The following TRPC4 variants were observed in gnomAD, a reference collection of about 807,000 sequenced individuals.
TRPC4 encodes the protein short transient receptor potential channel 4.
Under a neutral mutation model 99.4 loss-of-function variants are expected in TRPC4, and 49 were observed. The ratio of observed to expected loss-of-function variants is 0.49; its 90% CI spans 0.39 to 0.63. The LOEUF (loss-of-function observed/expected upper bound fraction) is 0.63. Among genes scored for constraint, TRPC4 ranks in the 20% least tolerant of loss-of-function variants. The probability of loss-of-function intolerance (pLI) is 0.00; values close to 1 mark genes in which losing one functional copy is unlikely to be tolerated. For missense variants in TRPC4, 898 were observed against 1,152.9 expected (o/e 0.78, Z 3.20); for synonymous variants, 454 against 425.9 (o/e 1.07, Z -0.81).
At chr13:37,791,398 T>TTAA (rs1555272608) in intron 1 of TRPC4, among the ~76,000 whole-genome samples, 2 of 114,764 alleles carry the variant, frequency 1.7e-5, no homozygotes, top group African/African-American at 7.3e-5. Flanking sequence ...TCTGTCTCAA[T>TTAA]AAAAAAAAAA....
chr13:37,695,009 C>G (rs1185023749), intron 3 of TRPC4, among the ~76,000 whole-genome samples: 1 of 151,892 alleles, frequency 6.6e-6, no homozygotes, highest in African/African-American at 2.4e-5. Flanking sequence ...ATTTTCCATG[C>G]AAAAATGGGT....
chr13:37,731,247 T>C (rs1342982640), intron 3 of TRPC4, among the ~76,000 whole-genome samples: 1 of 152,170 alleles, frequency 6.6e-6, no homozygotes, highest in East Asian at 1.9e-4. Context: ...CAGACTTTCT[T>C]ACATATTCAT....
chr13:37,813,909 A>C (rs1156567695), intron 1 of TRPC4, among the ~76,000 whole-genome samples: 1 of 151,862 alleles, frequency 6.6e-6, no homozygotes, highest in Non-Finnish European at 1.5e-5. Context: ...CAGTATATCT[A>C]TGAATAGAAA....
rs145760277 is a variant in TRPC4, at chr13:37,756,407, T to A, written c.379-9952A>T. Reference sequence around the variant, plus strand: ...ACTTATACAGACAAAAAATTATTTGTTAGTCTAAGCCTAGGGCTAATAATT... The same window carrying A: ...ACTTATACAGACAAAAAATTATTTGATAGTCTAAGCCTAGGGCTAATAATT... On this transcript the variant is annotated intron_variant, in intron 2 of 10. Transcript: ENST00000379705. Among the ~76,000 whole-genome samples, 4 of 152,308 alleles carry A rather than the reference T, an allele frequency of 2.6e-5. No homozygotes were observed. The East Asian group carries it at 7.7e-4, about 29-fold the overall frequency.
Position 37,705,652 on chromosome 13 carries a change from G to A in TRPC4, c.898-13317C>T, listed in dbSNP as rs146574319. On this transcript the variant is annotated intron_variant, in intron 3 of 10. Transcript: ENST00000379705. The stretch of plus-strand genomic sequence containing the variant: ...AGGCCTAACTCAAATCAGTCTTTGA[G>A]TTCCTCTCCTTCTAACCCATGGACC... 8.5e-4 allele frequency among the ~76,000 whole-genome samples: 130 copies of A among 152,154 alleles called. 1 individual carries two copies. Among genetic ancestry groups the A allele is most frequent in the African/African-American group, 2.7e-3 (112 of 41,518 alleles).
chr13:37,846,668 A>G (rs1244267666), intron 1 of TRPC4, among the ~76,000 whole-genome samples: 1 of 152,058 alleles, frequency 6.6e-6, no homozygotes, highest in Non-Finnish European at 1.5e-5. Context: ...ATATAAAATA[A>G]TCAAAAAACA....
chr13:37,649,142 A>C (rs1372264411), intron 8 of TRPC4, among the ~76,000 whole-genome samples: 1 of 152,200 alleles, frequency 6.6e-6, no homozygotes, highest in Admixed American at 6.5e-5. Flanking sequence ...ATGAGATGGT[A>C]TAAAGGATAA....
Position 37,636,563 on chromosome 13 carries a change from T to C in TRPC4, c.*340A>G. On this transcript the variant is annotated 3_prime_UTR_variant, in exon 11 of 11. Transcript: ENST00000379705. ...TTTTTGAATATAAAAATATCTATTT[T>C]AGGAGTCAACTACCACATGAAATAA... 1 of 173,662 alleles carries C rather than the reference T, an allele frequency of 5.8e-6. No individual in the cohort carries two copies. The highest frequency in any genetic ancestry group is 2.7e-3 in the Middle Eastern group (1 of 376). The allele number at this position is 173,662 out of a possible 1,614,324, so 10.8% of individuals were successfully genotyped here. A position where few individuals can be genotyped will look rare whatever the true frequency, so the allele number is the denominator to read the frequency against.
chr13:37,777,324 G>T (rs979847032), intron 2 of TRPC4, among the ~76,000 whole-genome samples: 1 of 151,874 alleles, frequency 6.6e-6, no homozygotes, highest in East Asian at 1.9e-4. Context: ...CATGGCAGAA[G>T]AGTGAAGGGG....
At position 37,826,946 on chromosome 13, in the gene TRPC4, A is replaced by G. The variant is rs1958241698; in HGVS notation, c.-28+42649T>C. Among the ~76,000 whole-genome samples the G allele has an allele frequency of 2.0e-5, 3 of 152,176 alleles. No individual in the cohort carries two copies. In the South Asian group the frequency reaches 6.2e-4, roughly 32 times the overall value. On this transcript the variant is annotated intron_variant, in intron 1 of 10. Transcript: ENST00000379705. The stretch of plus-strand genomic sequence containing the variant: ...AGATTTGGTCTTTTCACATAGTCCC[A>G]TATTTCTTGGAGGCTTTGCTTGTTT...
At position 37,663,533 on chromosome 13, in the gene TRPC4, C is replaced by T; in HGVS notation, c.1571G>A (p.Cys524Tyr). ...ATTTGCAAATGCTAGCAACACAAGG[C>T]AGTATATGAATAGAAACTTCAAAAT... The part of the protein sequence containing the change: ...LDILKFLFIY[C>Y]LVLLAFANGL... The change falls in exon 6 of 11, where the codon TGC becomes TAC. Residue 524 changes from cysteine to tyrosine, a missense_variant. Physicochemically the swap from Cys to Tyr is radical, Grantham distance 194 (BLOSUM62 -2). Transcript: ENST00000379705. 1 of 1,614,176 alleles carries T rather than the reference C, an allele frequency of 6.2e-7. No homozygotes were observed. Among genetic ancestry groups the T allele is most frequent in the Non-Finnish European group, 8.5e-7 (1 of 1,180,018 alleles).
intron 5 of TRPC4, among the ~76,000 whole-genome samples, chr13:37,664,111 A>G (rs556240026): frequency 4.6e-5 from 7 of 152,324 alleles, no homozygotes; most frequent in African/African-American, 1.7e-4. Context: ...AAGTAGGTAA[A>G]ATACATGATT....
At chr13:37,676,225 G>A (rs1302562416) in intron 4 of TRPC4, among the ~76,000 whole-genome samples, 2 of 146,166 alleles carry the variant, frequency 1.4e-5, no homozygotes, top group African/African-American at 2.5e-5. Flanking sequence ...TATTCAAACC[G>A]TCAAAAACAA....
intron 3 of TRPC4, among the ~76,000 whole-genome samples, chr13:37,732,579 C>G (rs1955274519): frequency 6.6e-6 from 1 of 152,094 alleles, no homozygotes; most frequent in Non-Finnish European, 1.5e-5. Context: ...AAAGGCTTCA[C>G]AAAAAACTCT....
At chr13:37,801,981 A>T (rs1226452933) in intron 1 of TRPC4, among the ~76,000 whole-genome samples, 1 of 152,142 alleles carries the variant, frequency 6.6e-6, no homozygotes, top group Admixed American at 6.6e-5. Flanking sequence ...TTACATATAA[A>T]TCAATGAAGA....
At chr13:37,716,514 T>A (rs888160344) in intron 3 of TRPC4, among the ~76,000 whole-genome samples, 1 of 152,206 alleles carries the variant, frequency 6.6e-6, no homozygotes, top group African/African-American at 2.4e-5. Context: ...AAGTTTTGTA[T>A]AAGAAAACTT....
intron 1 of TRPC4, among the ~76,000 whole-genome samples, chr13:37,841,180 A>G (rs940202883): frequency 6.6e-6 from 1 of 152,142 alleles, no homozygotes; most frequent in African/African-American, 2.4e-5. Context: ...AAGATTATAC[A>G]AGAAAATATT....
intron 5 of TRPC4, among the ~76,000 whole-genome samples, chr13:37,673,040 C>T (rs1299359894): frequency 6.6e-6 from 1 of 151,976 alleles, no homozygotes; most frequent in South Asian, 2.1e-4. Flanking sequence ...TGGTGTGCTG[C>T]ACCCGTTAAC....
chr13:37,655,286 G>A lies in TRPC4; in HGVS notation c.1689-3C>T, dbSNP rs748936630. The A allele has an allele frequency of 2.0e-6, 3 of 1,506,992 alleles. No homozygotes were observed. The highest frequency in any genetic ancestry group is 1.8e-4 in the Middle Eastern group (1 of 5,694). 93.4% of individuals were successfully genotyped at this position (1,506,992 alleles called of 1,614,324 possible). A position where few individuals can be genotyped will look rare whatever the true frequency, so the allele number is the denominator to read the frequency against. Reference sequence around the variant, plus strand: ...GGGACTGCAGTGTCTCAAATAACCTGTAATAAAGATAAAATGATACTAATA... The same window carrying A: ...GGGACTGCAGTGTCTCAAATAACCTATAATAAAGATAAAATGATACTAATA... On this transcript the variant is annotated splice_region_variant and splice_polypyrimidine_tract_variant and intron_variant, in intron 6 of 10. Coordinates refer to ENST00000379705, the MANE Select transcript of TRPC4 (RefSeq NM_016179.4).
Sources: allele counts gnomAD v4.1 joint callset (sites outside exome capture counted in the v4.1 genomes callset), GRCh38; gene constraint gnomAD v4.1.1; transcripts MANE v1.5; gene names NCBI Gene and HGNC (gene_info 2026-07-23, HGNC 2026-07-21).